The following MFHAS1 variants were observed in gnomAD, a reference collection of about 807,000 sequenced individuals.
MFHAS1 encodes multifunctional ROCO family signaling regulator 1.
A neutral mutation model predicts 70.4 loss-of-function variants in MFHAS1; 50 were observed. That is an observed-to-expected ratio of 0.71 (90% CI 0.57 to 0.90). The LOEUF is 0.90. MFHAS1 is among the 40% of genes least tolerant of loss of function. The pLI is 0.00. For missense variants in MFHAS1, 1,795 were observed against 1,347.6 expected (o/e 1.33, Z -5.20); for synonymous variants, 952 against 620.0 (o/e 1.54, Z -7.96).
chr8:8,837,009 C>A (rs1004990401), intron 1 of MFHAS1, among the ~76,000 whole-genome samples: 2 of 152,160 alleles, frequency 1.3e-5, no homozygotes. Flanking sequence ...AGATTTTAAG[C>A]ATTTTTGTAC....
chr8:8,892,137 G>A lies in MFHAS1; in HGVS notation c.922C>T (p.Leu308Phe), dbSNP rs752908806. The A allele has an allele frequency of 9.9e-6, 16 of 1,612,072 alleles. No homozygotes were observed. Among genetic ancestry groups the A allele is most frequent in the South Asian group, 2.2e-5 (2 of 91,088 alleles). Residue 308 changes from leucine (L) to phenylalanine (F), a missense_variant, in exon 1 of 3, where the codon CTC (leucine) becomes TTC (phenylalanine). Coordinates refer to ENST00000276282, the MANE Select transcript of MFHAS1 (RefSeq NM_004225.3). The surrounding 1 kb of genome is among the most constrained non-coding windows in gnomAD (Gnocchi z 4.7). ...LEELYLSRNQ[L>F]TSVPSLISGL... ...GAGATAAGGGATGGCACCGAGGTGA[G>A]CTGGTTGCGACTAAGGTAGAGCTCC...
At chr8:8,800,156 A>G (rs1331277532) in intron 1 of MFHAS1, among the ~76,000 whole-genome samples, 1 of 152,218 alleles carries the variant, frequency 6.6e-6, no homozygotes, top group Admixed American at 6.5e-5. Flanking sequence ...TTTATGAAAA[A>G]CATTAATTTC....
chr8:8,862,095 A>G (rs1808688536), intron 1 of MFHAS1, among the ~76,000 whole-genome samples: 1 of 152,248 alleles, frequency 6.6e-6, no homozygotes, highest in Admixed American at 6.5e-5. Context: ...TTAACTTTAT[A>G]TGAAACTAGC....
chr8:8,796,593 A>G (rs1203288687), intron 2 of MFHAS1, among the ~76,000 whole-genome samples: 1 of 147,156 alleles, frequency 6.8e-6, no homozygotes, highest in Non-Finnish European at 1.5e-5. Flanking sequence ...CTGAGGCAGG[A>G]GAATGGCCCG....
chr8:8,854,567 C>A (rs1414670093), intron 1 of MFHAS1, among the ~76,000 whole-genome samples: 1 of 151,620 alleles, frequency 6.6e-6, no homozygotes, highest in East Asian at 1.9e-4. Flanking sequence ...TGCCTCTAGT[C>A]CCAGCAACTC....
intron 1 of MFHAS1, among the ~76,000 whole-genome samples, chr8:8,809,148 C>T (rs558258393): frequency 6.6e-6 from 1 of 152,266 alleles, no homozygotes; most frequent in South Asian, 2.1e-4. Context: ...CAGATGGGAC[C>T]AGCTAGTTGC....
chr8:8,803,617 C>T (rs948001376), intron 1 of MFHAS1, among the ~76,000 whole-genome samples: 2 of 151,584 alleles, frequency 1.3e-5, no homozygotes, highest in African/African-American at 4.8e-5. Context: ...AATAGTATAA[C>T]AACTATTTAC....
At chr8:8,793,519 G>C (rs145601678) in intron 2 of MFHAS1, among the ~76,000 whole-genome samples, 248 of 152,256 alleles carry the variant, frequency 1.6e-3, no homozygotes, top group African/African-American at 5.6e-3. Flanking sequence ...TAATTATTCT[G>C]GTCTACCTGG....
rs1805510421 is a variant in MFHAS1 at position 8,785,537 on chromosome 8, A to AT, written c.*484dup. On this transcript the variant is annotated 3_prime_UTR_variant, in exon 3 of 3. Transcript: ENST00000276282. ...ACGCTAGAAGCTTCAAACTGTATAAATTTAAATGTATTTGCATATTATAAA... is the reference window on the plus strand; with the variant it reads ...ACGCTAGAAGCTTCAAACTGTATAAATTTTAAATGTATTTGCATATTATAAA... The AT allele has an allele frequency of 6.4e-6, 1 of 155,106 alleles. No individual in the cohort carries two copies. Among genetic ancestry groups the AT allele is most frequent in the East Asian group, 1.9e-4 (1 of 5,308 alleles). The allele number at this position is 155,106 out of a possible 1,614,324, so 9.6% of individuals were successfully genotyped here.
chr8:8,806,285 G>A (rs1449768277), intron 1 of MFHAS1, among the ~76,000 whole-genome samples: 3 of 152,140 alleles, frequency 2.0e-5, no homozygotes, highest in Admixed American at 2.0e-4. Flanking sequence ...GGGATGAGAG[G>A]CCAGGTAGAA....
At chr8:8,885,426 A>C (rs1563220729) in intron 1 of MFHAS1, among the ~76,000 whole-genome samples, 1 of 152,232 alleles carries the variant, frequency 6.6e-6, no homozygotes, top group African/African-American at 2.4e-5. Context: ...TCATCTGCTT[A>C]AAAGGAATAT....
chr8:8,843,262 C>T (rs1447598479), intron 1 of MFHAS1, among the ~76,000 whole-genome samples: 8 of 131,862 alleles, frequency 6.1e-5, no homozygotes, highest in South Asian at 2.4e-4. Context: ...GGCGACAGAG[C>T]GAGACTCCGT....
intron 1 of MFHAS1, among the ~76,000 whole-genome samples, chr8:8,809,294 A>T (rs374869014): frequency 1.3e-5 from 2 of 152,288 alleles, no homozygotes; most frequent in African/African-American, 4.8e-5. Flanking sequence ...TCATGAAACC[A>T]TCCCACCAAC....
intron 1 of MFHAS1, among the ~76,000 whole-genome samples, chr8:8,865,739 G>T (rs1010575076): frequency 3.9e-5 from 6 of 152,180 alleles, no homozygotes; most frequent in Non-Finnish European, 8.8e-5. Flanking sequence ...TATTAAACCA[G>T]GCAGCCACTT....
intron 1 of MFHAS1, among the ~76,000 whole-genome samples, chr8:8,819,571 T>G (rs1235098739): frequency 7.7e-6 from 1 of 130,614 alleles, no homozygotes; most frequent in Non-Finnish European, 1.5e-5. Flanking sequence ...GCCACTGCAC[T>G]CCAGCCTAGG....
chr8:8,856,998 A>G (rs866231787), intron 1 of MFHAS1, among the ~76,000 whole-genome samples: 1,889 of 150,610 alleles, frequency 0.013, 49 homozygotes, highest in Non-Finnish European at 0.019. Flanking sequence ...AAAAAAAAAA[A>G]AAAAAAAAAA....
At chr8:8,872,404 T>C (rs563161977) in intron 1 of MFHAS1, among the ~76,000 whole-genome samples, 2 of 152,116 alleles carry the variant, frequency 1.3e-5, no homozygotes, top group Admixed American at 6.6e-5. Context: ...GGCAGGAGGA[T>C]TCCAACCTTG....
chr8:8,887,979 A>C (rs997607247), intron 1 of MFHAS1, among the ~76,000 whole-genome samples: 1 of 151,812 alleles, frequency 6.6e-6, no homozygotes, highest in Admixed American at 6.6e-5. Flanking sequence ...CGTTTTTATT[A>C]CTTTGGATTA....
intron 1 of MFHAS1, among the ~76,000 whole-genome samples, chr8:8,863,617 T>C (rs1375066979): frequency 6.6e-6 from 1 of 152,226 alleles, no homozygotes. Context: ...TTCTAACCTC[T>C]GTTTTGACCA....
Sources: allele counts gnomAD v4.1 joint callset (sites outside exome capture counted in the v4.1 genomes callset), GRCh38; gene constraint gnomAD v4.1.1; non-coding constraint Gnocchi (gnomAD v3.1); transcripts MANE v1.5; gene names NCBI Gene and HGNC (gene_info 2026-07-23, HGNC 2026-07-21).